Variants in XPO5 observed in about 807,000 individuals in gnomAD.
XPO5 encodes the protein exportin-5.
XPO5 carries 46 observed loss-of-function variants against 160.6 expected under a neutral mutation model. The observed-to-expected ratio is 0.29, with a 90% CI of 0.23 to 0.37. XPO5 has a LOEUF of 0.37. Among genes scored for constraint, XPO5 ranks in the 10% least tolerant of loss-of-function variants. XPO5 has a pLI of 1.00. For missense variants in XPO5, 1,090 were observed against 1,463.9 expected (o/e 0.74, Z 4.17); for synonymous variants, 537 against 519.3 (o/e 1.03, Z -0.46).
intron 20 of XPO5, among the ~76,000 whole-genome samples, chr6:43,536,758 T>TAAAAAAAAAAAAAAAAAAAA (rs1156884252): frequency 1.6e-4 from 3 of 19,100 alleles, no homozygotes; most frequent in African/African-American, 7.3e-4. Flanking sequence ...AGACTCTATC[T>TAAAAAAAAAAAAAAAAAAAA]AAAAAAAAAA....
At chr6:43,545,536 GTC>G (rs1479881012) in intron 20 of XPO5, among the ~76,000 whole-genome samples, 1 of 152,012 alleles carries the variant, frequency 6.6e-6, no homozygotes, top group Non-Finnish European at 1.5e-5. Context: ...GCGAAGCCCT[GTC>G]TCTACTAAAA....
At chr6:43,525,318 C>T (rs1036332533) in intron 28 of XPO5, 104 bp from the exon 29 acceptor site, 9 of 1,112,500 alleles carry the variant, frequency 8.1e-6, no homozygotes, top group African/African-American at 4.7e-5. Flanking sequence ...TTCCTCCCCC[C>T]CTCTAAAGAT....
chr6:43,539,032 G>A (rs1182185022), intron 20 of XPO5: 11 of 1,546,518 alleles, frequency 7.1e-6, no homozygotes, highest in African/African-American at 2.7e-5. Flanking sequence ...CCTGGGCTGA[G>A]GTGTAGCAGT....
At position 43,528,928 on chromosome 6, in the gene XPO5, G is replaced by A. The variant is rs373586741; in HGVS notation, c.2678-3C>T. 9 of 1,610,064 alleles carry A rather than the reference G, an allele frequency of 5.6e-6. No homozygotes were observed. In the African/African-American group the frequency reaches 9.4e-5, roughly 17 times the overall value. ...CACCAGAGGCTTTACAAAGACACGT[G>A]CTGCAACAAGTTAAGAAATTTTAGT... On this transcript the variant is annotated splice_polypyrimidine_tract_variant and splice_region_variant and intron_variant, in intron 23 of 31. Transcript: ENST00000265351.
At chr6:43,568,768 T>C in intron 5 of XPO5, 31 bp from the exon 6 acceptor site, 1 of 1,554,452 alleles carries the variant, frequency 6.4e-7, no homozygotes, top group Non-Finnish European at 8.7e-7. Context: ...CCAGTGTTTT[T>C]AATGAGCAAA....
intron 24 of XPO5, among the ~76,000 whole-genome samples, 173 bp from the exon 25 acceptor site, chr6:43,528,378 T>TA (rs1793732690): frequency 6.6e-6 from 1 of 152,158 alleles, no homozygotes; most frequent in Non-Finnish European, 1.5e-5. Context: ...ATGGTTTCTG[T>TA]AACCTATCCC....
rs1793934769 is a variant in XPO5 at position 43,530,945 on chromosome 6, A to T, written c.2541-121T>A. ...GTTTTTCAGCCAGAAGAGCAGTTGT[A>T]TTTACTTAAGAGAACTTATAGATAC... On this transcript the variant is annotated intron_variant, in intron 22 of 31. Transcript: ENST00000265351. 10 of 1,292,878 alleles carry T rather than the reference A, an allele frequency of 7.7e-6. No homozygotes were observed. In the South Asian group the frequency reaches 1.3e-4, roughly 16 times the overall value. The allele number at this position is 1,292,878 out of a possible 1,614,324, so 80.1% of individuals were successfully genotyped here.
intron 23 of XPO5, among the ~76,000 whole-genome samples, chr6:43,530,171 C>T (rs922821614): frequency 1.7e-4 from 26 of 152,202 alleles, no homozygotes; most frequent in African/African-American, 6.0e-4. Flanking sequence ...GCACATGAAT[C>T]ACTTGAACCC....
At chr6:43,548,122 G>T in intron 18 of XPO5, 139 bp downstream of exon 18, 1 of 877,520 alleles carries the variant, frequency 1.1e-6, no homozygotes, top group Non-Finnish European at 1.7e-6. Context: ...ACAAAAGACT[G>T]CTTTTAGAGA....
At position 43,555,959 on chromosome 6, in the gene XPO5, G is replaced by A; in HGVS notation, c.1318C>T (p.Arg440Ter). 1 of 1,613,512 alleles carries A rather than the reference G, an allele frequency of 6.2e-7. No individual in the cohort carries two copies. Among genetic ancestry groups the A allele is most frequent in the Non-Finnish European group, 8.5e-7 (1 of 1,179,714 alleles). ...EDFNAFFNSS[R>*]AQQGEVMRLA... ...CTCATCACCTCTCCTTGTTGTGCTC[G>A]GGAGGCTGCCAAGAGAAAATGCCAA... Residue 440 changes from arginine (R) to a stop codon, truncating the protein, a stop_gained, in exon 13 of 32, where the codon CGA becomes TGA. Transcript: ENST00000265351. LOFTEE classifies it high-confidence loss of function.
intron 1 of XPO5, 135 bp from the exon 2 acceptor site, chr6:43,573,736 G>GGGT: frequency 9.4e-7 from 1 of 1,066,086 alleles, no homozygotes. Context: ...AGGCTGAGAT[G>GGGT]GGTGGACTAC....
chr6:43,537,110 G>GT (rs1794384072), intron 20 of XPO5, among the ~76,000 whole-genome samples: 1 of 151,372 alleles, frequency 6.6e-6, no homozygotes, highest in Non-Finnish European at 1.5e-5. Context: ...GGGACTATAA[G>GT]TGTGCACCAC....
intron 20 of XPO5, among the ~76,000 whole-genome samples, chr6:43,538,615 T>G (rs1017437162): frequency 3.3e-5 from 5 of 152,216 alleles, no homozygotes; most frequent in African/African-American, 1.2e-4. Context: ...TTAAAAGACT[T>G]ATTACTAGCT....
At chr6:43,525,584 G>A in intron 28 of XPO5, 1 of 533,048 alleles carries the variant, frequency 1.9e-6, no homozygotes, top group Non-Finnish European at 3.3e-6. Context: ...GCCTGGCTTG[G>A]GGAGGCTAAA....
At chr6:43,547,559 T>G in intron 19 of XPO5, 49 bp downstream of exon 19, 1 of 1,559,204 alleles carries the variant, frequency 6.4e-7, no homozygotes, top group Non-Finnish European at 8.8e-7. Context: ...GACAACACCC[T>G]ACTCCTACCC....
intron 20 of XPO5, among the ~76,000 whole-genome samples, chr6:43,535,949 CCTGTCT>C (rs1203165114): frequency 3.3e-5 from 5 of 151,738 alleles, no homozygotes; most frequent in Non-Finnish European, 7.4e-5. Context: ...ATGGTGAAAC[CCTGTCT>C]CTACTAAAAA....
At chr6:43,542,067 G>C (rs1794724593) in intron 20 of XPO5, among the ~76,000 whole-genome samples, 2 of 152,124 alleles carry the variant, frequency 1.3e-5, no homozygotes, top group South Asian at 4.1e-4. Flanking sequence ...ACATGCATGA[G>C]CCACCGCACC....
At chr6:43,566,580 G>A (rs1445372177) in intron 7 of XPO5, 1 of 371,704 alleles carries the variant, frequency 2.7e-6, no homozygotes, top group Non-Finnish European at 5.7e-6. Context: ...AGGCTGAGGA[G>A]GGCAGATCAC....
chr6:43,547,609 C>A lies in XPO5; in HGVS notation c.2159G>T (p.Arg720Leu), dbSNP rs200463953. 5.0e-6 allele frequency: 8 copies of A among 1,613,844 alleles called. No individual in the cohort carries two copies. Among genetic ancestry groups the A allele is most frequent in the Non-Finnish European group, 6.8e-6 (8 of 1,179,834 alleles). The change falls in exon 19 of 32, where the codon CGA becomes CTA. Residue 720 changes from arginine to leucine, a missense_variant and splice_region_variant. Around this residue, in one of 3 missense-constraint regions of XPO5, gnomAD observed 810 missense variants for 1,139.0 expected, o/e 0.71. Transcript: ENST00000265351. ...TTCCCATTCCCAGGAAAGTCTTACT[C>A]GTGCACGGTTTAAGCCACACGGATC... Reference protein sequence around the residue: ...LEDPCGLNRARMSFCVYSILG... With the variant: ...LEDPCGLNRALMSFCVYSILG...
Sources: gnomAD v4.1 joint callset for allele counts (sites outside exome capture counted in the v4.1 genomes callset) on GRCh38, gnomAD v4.1.1 for gene constraint, gnomAD v4.1.1 regional missense constraint, MANE v1.5 for transcripts, NCBI Gene and HGNC (gene_info 2026-07-23, HGNC 2026-07-21) for gene names.